Variants in PHACTR1 observed in about 807,000 individuals in gnomAD.
PHACTR1 encodes the protein phosphatase and actin regulator 1, also known as RPEL repeat containing 1.
A neutral mutation model predicts 69.2 loss-of-function variants in PHACTR1; 16 were observed. That is an observed-to-expected ratio of 0.23 (90% confidence interval 0.16 to 0.35). The LOEUF (loss-of-function observed/expected upper bound fraction) is 0.35, where lower values mean the gene tolerates loss of function less well. Ranked by LOEUF, PHACTR1 falls within the 10% of genes least tolerant of loss-of-function variation. The pLI, the probability that PHACTR1 is intolerant of heterozygous loss-of-function variation, is 1.00. For synonymous variants in PHACTR1, 312 were observed against 284.5 expected (o/e 1.10, Z -0.97); for missense variants, 510 against 734.7 (o/e 0.69, Z 3.54).
chr6:13,000,725 A>G (rs888252123), intron 4 of PHACTR1, among the ~76,000 whole-genome samples: 4 of 152,074 alleles, frequency 2.6e-5, no homozygotes, highest in Admixed American at 2.0e-4. Context: ...ATGCAGCTAT[A>G]GAGGAAGATT....
At chr6:12,994,859 T>A (rs775637252) in intron 4 of PHACTR1, among the ~76,000 whole-genome samples, 4 of 152,126 alleles carry the variant, frequency 2.6e-5, no homozygotes, top group Non-Finnish European at 5.9e-5. Context: ...ACTATTTAAA[T>A]TTTTAACTAC....
intron 4 of PHACTR1, among the ~76,000 whole-genome samples, chr6:12,852,696 T>G (rs1779951643): frequency 6.6e-6 from 1 of 152,160 alleles, no homozygotes; most frequent in Non-Finnish European, 1.5e-5. Context: ...TATATGCTTC[T>G]CAATGGATCA....
chr6:13,156,988 T>C (rs114011968), intron 5 of PHACTR1, among the ~76,000 whole-genome samples: 1,559 of 152,338 alleles, frequency 0.01, 30 homozygotes, highest in African/African-American at 0.035. Context: ...ATCCATTCTC[T>C]ATATTAAAGT....
At chr6:13,237,595 C>T (rs564462509) in intron 10 of PHACTR1, among the ~76,000 whole-genome samples, 3 of 152,138 alleles carry the variant, frequency 2.0e-5, no homozygotes, top group Non-Finnish European at 2.9e-5. Flanking sequence ...AATGTGAGCA[C>T]GTGTATGTGT....
chr6:13,284,514 T>A (rs1781046269), intron 13 of PHACTR1, among the ~76,000 whole-genome samples: 2 of 36,000 alleles, frequency 5.6e-5, no homozygotes, highest in African/African-American at 1.9e-4. Context: ...TGAAACTCCA[T>A]CTCAAAAAAA....
intron 4 of PHACTR1, among the ~76,000 whole-genome samples, chr6:12,849,809 C>G (rs940033786): frequency 6.6e-6 from 1 of 151,978 alleles, no homozygotes; most frequent in Admixed American, 6.6e-5. Context: ...AAATATAAAA[C>G]AAAAATACAC....
intron 4 of PHACTR1, among the ~76,000 whole-genome samples, chr6:13,030,385 G>C (rs561931045): frequency 1.3e-5 from 2 of 152,326 alleles, no homozygotes; most frequent in Non-Finnish European, 1.5e-5. Flanking sequence ...AGCTAACGGG[G>C]AGGAAGAGAA....
intron 5 of PHACTR1, among the ~76,000 whole-genome samples, chr6:13,094,323 C>T (rs377246555): frequency 5.2e-5 from 7 of 134,040 alleles, no homozygotes; most frequent in African/African-American, 1.7e-4. Flanking sequence ...GAGATGTAAT[C>T]TCACTCTGTT....
At chr6:12,756,605 G>T (rs942392946) in intron 4 of PHACTR1, among the ~76,000 whole-genome samples, 1 of 152,164 alleles carries the variant, frequency 6.6e-6, no homozygotes, top group Non-Finnish European at 1.5e-5. Flanking sequence ...ATGTAAGTGC[G>T]GTGTAAAAGC....
At chr6:13,044,211 C>T (rs550004948) in intron 4 of PHACTR1, among the ~76,000 whole-genome samples, 2 of 152,244 alleles carry the variant, frequency 1.3e-5, no homozygotes, top group South Asian at 4.1e-4. Flanking sequence ...ATAGAAGTAT[C>T]TTCATCCTTC....
At chr6:13,178,180 C>T (rs1455452842) in intron 6 of PHACTR1, among the ~76,000 whole-genome samples, 10 of 152,216 alleles carry the variant, frequency 6.6e-5, no homozygotes, top group South Asian at 2.1e-4. Flanking sequence ...CCTTGTTAGA[C>T]GTGTCTGCCT....
intron 4 of PHACTR1, among the ~76,000 whole-genome samples, chr6:12,995,969 C>T (rs1797369760): frequency 6.6e-6 from 1 of 151,902 alleles, no homozygotes; most frequent in Non-Finnish European, 1.5e-5. Context: ...TAAATAAATA[C>T]CTAAGAAATT....
intron 4 of PHACTR1, among the ~76,000 whole-genome samples, chr6:12,828,769 A>G (rs1454831241): frequency 6.6e-6 from 1 of 151,768 alleles, no homozygotes; most frequent in Admixed American, 6.6e-5. Flanking sequence ...GTAAAAAAAA[A>G]CACAAGCTCT....
intron 5 of PHACTR1, among the ~76,000 whole-genome samples, chr6:13,153,441 T>C (rs1757739322): frequency 6.6e-6 from 1 of 152,242 alleles, no homozygotes; most frequent in Admixed American, 6.5e-5. Flanking sequence ...TCTCTTTTTT[T>C]ACATGTCTGG....
rs869092852 is a variant in PHACTR1 at position 13,195,757 on chromosome 6, C to CAAAAAA, written c.665-10040_665-10035dup. ...TGGGCGACAGAGAGAGACACCGTCTCAAAAAAAAAAAAAAAAAAAAAAAGT... is the reference window on the plus strand; with the variant it reads ...TGGGCGACAGAGAGAGACACCGTCTCAAAAAAAAAAAAAAAAAAAAAAAAAAAAAGT... On this transcript the variant is annotated intron_variant, in intron 7 of 14. Coordinates refer to ENST00000332995, the MANE Select transcript of PHACTR1 (RefSeq NM_030948.6). 5.2e-3 allele frequency among the ~76,000 whole-genome samples: 213 copies of CAAAAAA among 41,088 alleles called. 20 individuals are homozygous for CAAAAAA. Among genetic ancestry groups the CAAAAAA allele is most frequent in the East Asian group, 0.019 (67 of 3,478 alleles). The allele number at this position is 41,088 out of a possible 152,430, so 27.0% of individuals were successfully genotyped here.
At chr6:12,858,510 G>A (rs1042985970) in intron 4 of PHACTR1, among the ~76,000 whole-genome samples, 1 of 152,084 alleles carries the variant, frequency 6.6e-6, no homozygotes, top group Non-Finnish European at 1.5e-5. Flanking sequence ...TCTAGCTATA[G>A]GTTGGGGTGC....
intron 5 of PHACTR1, among the ~76,000 whole-genome samples, chr6:13,144,772 G>GAAA (rs11326657): frequency 5.4e-5 from 1 of 18,610 alleles, no homozygotes; most frequent in African/African-American, 9.4e-5. Flanking sequence ...CCCTGTCTCA[G>GAAA]AAAAAAAAAA....
At chr6:13,166,291 T>C (rs1433259336) in intron 6 of PHACTR1, among the ~76,000 whole-genome samples, 2 of 152,218 alleles carry the variant, frequency 1.3e-5, no homozygotes, top group South Asian at 2.1e-4. Flanking sequence ...CTATCTCTTA[T>C]CACCTTCCAC....
intron 4 of PHACTR1, among the ~76,000 whole-genome samples, chr6:12,924,532 T>C (rs1562016744): frequency 6.6e-6 from 1 of 152,264 alleles, no homozygotes; most frequent in East Asian, 1.9e-4. Flanking sequence ...CCCAGCACTT[T>C]GGGAGGCCGA....
Sources: gnomAD v4.1 joint callset for allele counts (sites outside exome capture counted in the v4.1 genomes callset) on GRCh38, gnomAD v4.1.1 for gene constraint, MANE v1.5 for transcripts, NCBI Gene and HGNC (gene_info 2026-07-23, HGNC 2026-07-21) for gene names.